The following ANKRA2 variants were observed in gnomAD, a reference collection of about 807,000 sequenced individuals.
ANKRA2 encodes the protein ankyrin repeat family A protein 2.
Under a neutral mutation model 37.8 loss-of-function variants are expected in ANKRA2, and 33 were observed. That is an observed-to-expected ratio of 0.87 (90% CI 0.66 to 1.17). ANKRA2 has a LOEUF of 1.17. ANKRA2 is among the 50% of genes most tolerant of loss of function. ANKRA2 has a pLI of 0.00. For synonymous variants in ANKRA2, 126 were observed against 132.3 expected, an observed-to-expected ratio of 0.95 and a Z score of 0.33; for missense variants, 326 against 373.7, an observed-to-expected ratio of 0.87 and a Z score of 1.05.
At chr5:73,564,376 C>T (rs1747653819) in intron 1 of ANKRA2, among the ~76,000 whole-genome samples, 1 of 152,200 alleles carries the variant, frequency 6.6e-6, no homozygotes, top group Non-Finnish European at 1.5e-5. Flanking sequence ...CATTCACCAT[C>T]CTTTTGACAA....
intron 7 of ANKRA2, among the ~76,000 whole-genome samples, chr5:73,554,023 GCCTC>G (rs1747328194): frequency 6.6e-6 from 1 of 152,028 alleles, no homozygotes; most frequent in Non-Finnish European, 1.5e-5. Context: ...ACCCACCTCG[GCCTC>G]CCAAAGTGCT....
chr5:73,555,798 A>T (rs1262995549), intron 4 of ANKRA2, among the ~76,000 whole-genome samples: 2 of 152,228 alleles, frequency 1.3e-5, no homozygotes, highest in African/African-American at 2.4e-5. Context: ...GGGTTCAGAT[A>T]GCATATTACT....
intron 2 of ANKRA2, 171 bp from the exon 3 acceptor site, chr5:73,561,459 GGTTA>G: frequency 1.5e-6 from 1 of 686,794 alleles, no homozygotes; most frequent in Non-Finnish European, 2.3e-6. Context: ...TTTGCATAAT[GGTTA>G]GTCAAAAAAA....
rs1037728583 is a variant in ANKRA2, at chr5:73,565,194, C to T, written c.-167G>A. 1 of 152,236 alleles carries T rather than the reference C, an allele frequency of 6.6e-6. No individual in the cohort carries two copies. Among genetic ancestry groups the T allele is most frequent in the African/African-American group, 2.4e-5 (1 of 41,430 alleles). The allele number at this position is 152,236 out of a possible 1,614,324, so 9.4% of individuals were successfully genotyped here. ...GCTGTCTCCCGCTGGAGGGGAGACT[C>T]TTGCAGGAAAGAAAGTCCGTTCTGT... On this transcript the variant is annotated 5_prime_UTR_variant, in exon 1 of 9. Coordinates refer to ENST00000296785, the MANE Select transcript of ANKRA2 (RefSeq NM_023039.5).
chr5:73,554,916 G>C lies in ANKRA2; in HGVS notation c.683C>G (p.Thr228Arg). The C allele has an allele frequency of 6.2e-7, 1 of 1,613,798 alleles. No homozygotes were observed. Among genetic ancestry groups the C allele is most frequent in the Non-Finnish European group, 8.5e-7 (1 of 1,179,780 alleles). ...ALSLACSKGY[T>R]DIVKMLLDCG... ...ATCAAGCAGCATTTTGACAATATCT[G>C]TGTAGCCTTTACTACAGGCCAACGA... The change falls in exon 6 of 9, where the codon ACA becomes AGA. Residue 228 changes from threonine to arginine, a missense_variant. Thr to Arg is a moderately conservative substitution (Grantham distance 71). Transcript: ENST00000296785.
Position 73,559,656 on chromosome 5 carries a change from T to C in ANKRA2, c.448+1474A>G, listed in dbSNP as rs537779235. ...TATTATTTTTAATCTCTATTTATTA[T>C]TTATTAACTCACTATTTTTACAGTA... On this transcript the variant is annotated intron_variant, in intron 3 of 8. Transcript: ENST00000296785. Among the ~76,000 whole-genome samples the C allele has an allele frequency of 6.7e-3, 853 of 126,544 alleles. 10 individuals carry two copies. The highest frequency in any genetic ancestry group is 0.02 in the African/African-American group (814 of 39,810). The allele number at this position is 126,544 out of a possible 152,430, so 83.0% of individuals were successfully genotyped here.
In ANKRA2 at chr5:73,557,618, A is replaced by C; in HGVS notation, c.471T>G (p.Ala157=). 9 of 1,611,236 alleles carry C rather than the reference A, an allele frequency of 5.6e-6. No homozygotes were observed. Among genetic ancestry groups the C allele is most frequent in the Non-Finnish European group, 7.6e-6 (9 of 1,177,806 alleles). The change falls in exon 4 of 9, where the codon GCT becomes GCG. Residue 157 remains alanine, a synonymous_variant. Coordinates refer to ENST00000296785, the MANE Select transcript of ANKRA2 (RefSeq NM_023039.5). ...LANSLSVHQL[A]AQGEMLYLAT... is the part of the protein sequence containing the mutation. ...CCAGATAGAGCATCTCTCCCTGAGC[A>C]GCCAACTGGTGAACAGACAAAGCTG...
chr5:73,558,142 A>G (rs1330089938), intron 3 of ANKRA2, among the ~76,000 whole-genome samples: 1 of 152,062 alleles, frequency 6.6e-6, no homozygotes, highest in African/African-American at 2.4e-5. Flanking sequence ...TAATTCTGAT[A>G]TCTACAATTT....
intron 3 of ANKRA2, among the ~76,000 whole-genome samples, chr5:73,558,587 T>A (rs1030934382): frequency 1.3e-5 from 2 of 152,212 alleles, no homozygotes; most frequent in Admixed American, 6.5e-5. Flanking sequence ...CAGGCTTGAG[T>A]GCAGTGGTGT....
chr5:73,562,973 G>C lies in ANKRA2; in HGVS notation c.-92C>G. ...GTATCCAGTGTGTTCTTGGAATCTG[G>C]ATATTTAAAAATCTGAAAGAAAAAA... On this transcript the variant is annotated 5_prime_UTR_variant, in exon 2 of 9. The change creates a new upstream start codon in the 5' untranslated region. Transcript: ENST00000296785. 8.3e-7 allele frequency: 1 copy of C among 1,200,238 alleles called. No homozygotes were observed. The highest frequency in any genetic ancestry group is 1.1e-6 in the Non-Finnish European group (1 of 881,586). 74.3% of individuals were successfully genotyped at this position (1,200,238 alleles called of 1,614,324 possible).
At chr5:73,563,782 T>C (rs1486748843) in intron 1 of ANKRA2, among the ~76,000 whole-genome samples, 1 of 152,148 alleles carries the variant, frequency 6.6e-6, no homozygotes, top group Admixed American at 6.5e-5. Context: ...TTTGAGAGGG[T>C]GCAGGGTGTT....
intron 3 of ANKRA2, 36 bp from the exon 4 acceptor site, chr5:73,557,676 T>C: frequency 1.3e-6 from 2 of 1,495,432 alleles, no homozygotes; most frequent in East Asian, 2.3e-5. Context: ...ATGAATTATC[T>C]ATAGGGTACA....
rs562125866 is a variant in ANKRA2, at chr5:73,562,453, G to A, written c.289+140C>T. 6 of 701,874 alleles carry A rather than the reference G, an allele frequency of 8.5e-6. No individual in the cohort carries two copies. The East Asian group carries it at 1.2e-4, about 14-fold the overall frequency. The allele number at this position is 701,874 out of a possible 1,614,324, so 43.5% of individuals were successfully genotyped here. ...ATAATCTGAAATTATTTTAATTTTG[G>A]TTTCTATGAGATTCCAGAAAATCAT... On this transcript the variant is annotated intron_variant, in intron 2 of 8. Coordinates refer to ENST00000296785, the MANE Select transcript of ANKRA2 (RefSeq NM_023039.5).
intron 4 of ANKRA2, among the ~76,000 whole-genome samples, chr5:73,556,685 A>G (rs1747403690): frequency 6.6e-6 from 1 of 152,140 alleles, no homozygotes; most frequent in African/African-American, 2.4e-5. Flanking sequence ...AGGAAAAATG[A>G]CAAGCTGGGG....
chr5:73,553,631 T>C (rs930020659), intron 7 of ANKRA2, 145 bp from the exon 8 acceptor site: 2 of 649,682 alleles, frequency 3.1e-6, no homozygotes, highest in Non-Finnish European at 5.3e-6. Context: ...GTGCATGGGG[T>C]ACTTAGAATT....
chr5:73,557,784 C>G, intron 3 of ANKRA2, 144 bp from the exon 4 acceptor site: 2 of 568,210 alleles, frequency 3.5e-6, no homozygotes, highest in South Asian at 5.5e-5. Context: ...TAAAATGTAT[C>G]CTAAAATTAA....
At chr5:73,554,487 C>T (rs1304882813) in intron 6 of ANKRA2, 99 bp from the exon 7 acceptor site, 1 of 768,316 alleles carries the variant, frequency 1.3e-6, no homozygotes, top group Non-Finnish European at 2.1e-6. Context: ...GACATATAAT[C>T]ATTTAAAGTA....
At chr5:73,562,570 A>C (rs190072947) in intron 2 of ANKRA2, 23 bp downstream of exon 2, 1 of 1,549,970 alleles carries the variant, frequency 6.5e-7, no homozygotes, top group Non-Finnish European at 8.7e-7. Flanking sequence ...ACAAATGCAG[A>C]TATTTATACC....
rs200719130 is a variant in ANKRA2 at position 73,561,258 on chromosome 5, G to A, written c.320C>T (p.Pro107Leu). The change falls in exon 3 of 9, where the codon CCG becomes CTG. Residue 107 changes from proline to leucine, a missense_variant. This residue lies in a region of ANKRA2 where 228 missense variants were observed against 260.2 expected (regional missense o/e 0.88). Transcript: ENST00000296785. The stretch of plus-strand genomic sequence containing the variant: ...GTAGACATGCCTTACTTGAATTCCC[G>A]GAGAAGGAGATGTATGGATATTGCA... Reference protein sequence around the residue: ...AECNIHTSPSPGIQVRHVYTP... With the variant: ...AECNIHTSPSLGIQVRHVYTP... 128 of 1,613,142 alleles carry A rather than the reference G, an allele frequency of 7.9e-5. No homozygotes were observed. The highest frequency in any genetic ancestry group is 6.2e-4 in the East Asian group (28 of 44,834).
Sources: allele counts gnomAD v4.1 joint callset (sites outside exome capture counted in the v4.1 genomes callset), GRCh38; gene constraint gnomAD v4.1.1; regional missense constraint gnomAD v4.1.1; transcripts MANE v1.5; gene names NCBI Gene and HGNC (gene_info 2026-07-23, HGNC 2026-07-21).